Variants in BTD observed in about 807,000 individuals in gnomAD.
BTD encodes biotinidase, also known as biocytinase.
A neutral mutation model predicts 17.7 loss-of-function variants in BTD; 13 were observed. The ratio of observed to expected loss-of-function variants is 0.74; its 90% CI spans 0.48 to 1.17. BTD has a LOEUF of 1.17. BTD is among the 50% of genes most tolerant of loss of function. The probability of loss-of-function intolerance (pLI) is 0.00; values close to 1 mark genes in which losing one functional copy is unlikely to be tolerated. For missense variants in BTD, 674 were observed against 650.4 expected (o/e 1.04, Z -0.39); for synonymous variants, 240 against 245.2 (o/e 0.98, Z 0.20).
Position 15,648,231 on chromosome 3 carries a change from C to CA in BTD, c.*2746dup. Among the ~76,000 whole-genome samples, 1 of 151,822 alleles carries CA rather than the reference C, an allele frequency of 6.6e-6. No homozygotes were observed. Among genetic ancestry groups the CA allele is most frequent in the Middle Eastern group, 3.4e-3 (1 of 294 alleles). ...GAACCGCTCAAGTGAAATGACCACT[C>CA]AAAGAACAATTTCTCAACAAAGTGG... On this transcript the variant is annotated 3_prime_UTR_variant, in exon 4 of 4. Coordinates refer to ENST00000643237, the MANE Select transcript of BTD (RefSeq NM_001370658.1).
chr3:15,716,985 G>C (rs1032939598), downstream of BTD, among the ~76,000 whole-genome samples: 3 of 152,040 alleles, frequency 2.0e-5, no homozygotes, highest in African/African-American at 7.2e-5. Flanking sequence ...CTCCTAAAAA[G>C]CCAAAACCAA....
Position 15,645,705 on chromosome 3 carries a change from T to C in BTD, c.*217T>C. The stretch of plus-strand genomic sequence containing the variant: ...CAATCATCGAGACATTAGGGGGTAT[T>C]TTCTGTTCACATTTATCTTTTTCAA... On this transcript the variant is annotated 3_prime_UTR_variant, in exon 4 of 4. Coordinates refer to ENST00000643237, the MANE Select transcript of BTD (RefSeq NM_001370658.1). 1 of 562,694 alleles carries C rather than the reference T, an allele frequency of 1.8e-6. No homozygotes were observed. The highest frequency in any genetic ancestry group is 2.4e-5 in the South Asian group (1 of 42,268). 34.9% of individuals were successfully genotyped at this position (562,694 alleles called of 1,614,324 possible). A position where few individuals can be genotyped will look rare whatever the true frequency, so the allele number is the denominator to read the frequency against.
chr3:15,711,172 C>T, exon 4 of BTD: 2 of 1,514,872 alleles, frequency 1.3e-6, no homozygotes, highest in Non-Finnish European at 1.8e-6. Flanking sequence ...CCATGACCAG[C>T]TATCTTTTCT....
intron 4 of BTD, chr3:15,721,178 A>G (rs2073683699): frequency 9.9e-6 from 15 of 1,521,896 alleles, no homozygotes; most frequent in Non-Finnish European, 1.3e-5. Context: ...GCTAATTATC[A>G]ATGTTGTGAG....
At chr3:15,661,518 A>C (rs2065924402) in intron 3 of BTD, among the ~76,000 whole-genome samples, 1 of 151,932 alleles carries the variant, frequency 6.6e-6, no homozygotes, top group Non-Finnish European at 1.5e-5. Context: ...CTTATTTGTG[A>C]GTTTTAAGGG....
chr3:15,714,459 T>C, downstream of BTD: 2 of 700,432 alleles, frequency 2.9e-6, no homozygotes, highest in Non-Finnish European at 4.6e-6. Context: ...TGAAATCATG[T>C]ATTAAAAATA....
chr3:15,601,602 A>T (rs1186898785), upstream of BTD: 2 of 1,572,802 alleles, frequency 1.3e-6, no homozygotes, highest in Non-Finnish European at 1.7e-6. Flanking sequence ...TGCCTTAAAC[A>T]ACGGGAAGGA....
chr3:15,689,963 T>C, intron 3 of BTD: 4 of 1,429,476 alleles, frequency 2.8e-6, no homozygotes, highest in Non-Finnish European at 3.7e-6. Flanking sequence ...TATCAGAAAT[T>C]GAAAAAAAGT....
chr3:15,628,383 T>A (rs1186947351), intron 1 of BTD, among the ~76,000 whole-genome samples: 1 of 152,244 alleles, frequency 6.6e-6, no homozygotes, highest in Non-Finnish European at 1.5e-5. Context: ...ATGGCCCACA[T>A]TTCTGAGCAC....
chr3:15,688,012 T>C (rs1231130292), intron 3 of BTD, among the ~76,000 whole-genome samples: 1 of 152,230 alleles, frequency 6.6e-6, no homozygotes, highest in Non-Finnish European at 1.5e-5. Context: ...AAGGCATCTA[T>C]AGATACAAGG....
chr3:15,665,506 AT>A (rs1358382433), intron 3 of BTD, among the ~76,000 whole-genome samples: 1 of 152,216 alleles, frequency 6.6e-6, no homozygotes, highest in Non-Finnish European at 1.5e-5. Flanking sequence ...CCAGTTTTAT[AT>A]CTGGACTACC....
chr3:15,603,952 G>A (rs1306398156), intron 1 of BTD, among the ~76,000 whole-genome samples: 2 of 152,190 alleles, frequency 1.3e-5, no homozygotes, highest in Non-Finnish European at 2.9e-5. Flanking sequence ...GGTTTTACAG[G>A]CTACAACCCC....
At chr3:15,720,963 T>A (rs560546966) in intron 4 of BTD, 20 of 1,613,808 alleles carry the variant, frequency 1.2e-5, no homozygotes, top group African/African-American at 2.7e-5. Flanking sequence ...CTAAACACAA[T>A]GCTCCATGTG....
chr3:15,684,535 TCTCA>T (rs1428954269), intron 3 of BTD: 2 of 152,172 alleles, frequency 1.3e-5, no homozygotes, highest in Admixed American at 6.6e-5. Flanking sequence ...ATGTGATACA[TCTCA>T]CTGTTTCTCC....
intron 1 of BTD, chr3:15,606,417 C>G (rs979364795): frequency 6.6e-6 from 1 of 152,234 alleles, no homozygotes; most frequent in African/African-American, 2.4e-5. Flanking sequence ...CAAAGTAATA[C>G]TGTTGATTAA....
At chr3:15,659,885 C>A (rs2065905550) in intron 3 of BTD, among the ~76,000 whole-genome samples, 1 of 152,196 alleles carries the variant, frequency 6.6e-6, no homozygotes, top group African/African-American at 2.4e-5. Context: ...CCTATCATTT[C>A]ATAGATAGGA....
At position 15,700,729 on chromosome 3, in the gene BTD, G is replaced by A. The variant is rs573708124; in HGVS notation, c.400-9331G>A. Among the ~76,000 whole-genome samples, 13 of 152,210 alleles carry A rather than the reference G, an allele frequency of 8.5e-5. No homozygotes were observed. The East Asian group carries it at 1.7e-3, about 20-fold the overall frequency. On this transcript the variant is annotated intron_variant, in intron 3 of 3. Coordinates refer to the BTD transcript ENST00000672141. ...GCGGAGGTTGCAGTGAGCAGAGATC[G>A]CGCCACTGCACTCCAGCCTGGCGAC...
At chr3:15,694,160 A>G (rs2069193200) in intron 3 of BTD, among the ~76,000 whole-genome samples, 1 of 152,088 alleles carries the variant, frequency 6.6e-6, no homozygotes, top group Non-Finnish European at 1.5e-5. Context: ...TTCTCATTTG[A>G]CTTAAAAAAT....
At chr3:15,722,087 T>C (rs1333014023) in exon 5 of BTD, among the ~76,000 whole-genome samples, 2 of 152,120 alleles carry the variant, frequency 1.3e-5, no homozygotes, top group Non-Finnish European at 2.9e-5. Context: ...GTTTATATGA[T>C]TAGTGTGTAG....
Sources: allele counts gnomAD v4.1 joint callset (sites outside exome capture counted in the v4.1 genomes callset), GRCh38; gene constraint gnomAD v4.1.1; transcripts MANE v1.5; gene names NCBI Gene and HGNC (gene_info 2026-07-23, HGNC 2026-07-21).